The following ERC1 variants were observed in gnomAD, a reference collection of about 807,000 sequenced individuals.
ERC1 encodes RAB6 interacting protein 2.
A neutral mutation model predicts 132.0 loss-of-function variants in ERC1; 56 were observed. That is an observed-to-expected ratio of 0.42 (90% CI 0.34 to 0.53). ERC1 has a LOEUF of 0.53. ERC1 is among the 20% of genes least tolerant of loss of function. The probability of loss-of-function intolerance (pLI) is 0.03; values close to 1 mark genes in which losing one functional copy is unlikely to be tolerated. For synonymous variants in ERC1, 478 were observed against 476.1 expected, an observed-to-expected ratio of 1.00 and a Z score of -0.05; for missense variants, 1,202 against 1,349.9, an observed-to-expected ratio of 0.89 and a Z score of 1.72.
intron 8 of ERC1, among the ~76,000 whole-genome samples, chr12:1,175,070 A>G (rs1353909459): frequency 6.6e-6 from 1 of 152,238 alleles, no homozygotes; most frequent in Non-Finnish European, 1.5e-5. Context: ...ACATAATTTA[A>G]TTTAAAAATA....
intron 1 of ERC1, among the ~76,000 whole-genome samples, chr12:999,896 G>A (rs949234646): frequency 6.6e-6 from 1 of 152,074 alleles, no homozygotes; most frequent in African/African-American, 2.4e-5. Context: ...TGCCCAGCCC[G>A]CTAGGTGATT....
intron 18 of ERC1, among the ~76,000 whole-genome samples, chr12:1,480,545 G>T (rs192050523): frequency 5.9e-5 from 9 of 152,194 alleles, no homozygotes; most frequent in Non-Finnish European, 1.3e-4. Context: ...ACATTACTGC[G>T]TTTGGATTTG....
intron 3 of ERC1, among the ~76,000 whole-genome samples, chr12:1,099,916 C>T (rs750959468): frequency 2.8e-5 from 4 of 142,708 alleles, no homozygotes; most frequent in African/African-American, 5.3e-5. Context: ...GGCACCATCT[C>T]GGCTCACTGC....
chr12:1,476,181 G>A (rs533064352), intron 18 of ERC1, among the ~76,000 whole-genome samples: 11 of 151,842 alleles, frequency 7.2e-5, no homozygotes, highest in Admixed American at 2.6e-4. Flanking sequence ...GCATGAACCC[G>A]GGAGGCAGAG....
chr12:1,296,516 C>T (rs981459320), intron 15 of ERC1, among the ~76,000 whole-genome samples: 6 of 142,596 alleles, frequency 4.2e-5, no homozygotes, highest in Admixed American at 1.5e-4. Context: ...TGGGTTCAGG[C>T]GATCCTCCTG....
intron 3 of ERC1, 121 bp downstream of exon 3, chr12:1,083,701 C>T (rs10734995): frequency 1 from 761,186 of 762,890 alleles, 379,758 homozygotes; most frequent in East Asian, 1. Context: ...GAATTTCATC[C>T]TTTGTATTTA....
chr12:1,104,003 C>G (rs1241222685), intron 3 of ERC1, among the ~76,000 whole-genome samples: 1 of 57,174 alleles, frequency 1.7e-5, no homozygotes, highest in East Asian at 3.1e-3. Context: ...CTTGGAAGTA[C>G]TGACTGATTT....
intron 14 of ERC1, among the ~76,000 whole-genome samples, chr12:1,266,919 A>T (rs540958275): frequency 6.6e-6 from 1 of 152,358 alleles, no homozygotes; most frequent in East Asian, 1.9e-4. Flanking sequence ...GGATATCTAC[A>T]TCTCTTAATT....
intron 3 of ERC1, among the ~76,000 whole-genome samples, chr12:1,099,251 T>G (rs866456682): frequency 2.0e-5 from 3 of 152,050 alleles, no homozygotes; most frequent in African/African-American, 4.8e-5. Flanking sequence ...GAAGGAGAGA[T>G]AGCAGGTGTG....
intron 2 of ERC1, among the ~76,000 whole-genome samples, chr12:1,080,187 C>A (rs1226670446): frequency 6.6e-6 from 1 of 152,158 alleles, no homozygotes; most frequent in Non-Finnish European, 1.5e-5. Context: ...TCGAAGTGTA[C>A]AGTTTAGTGG....
At chr12:1,112,496 G>A (rs1344929208) in intron 6 of ERC1, among the ~76,000 whole-genome samples, 198 bp downstream of exon 6, 4 of 152,208 alleles carry the variant, frequency 2.6e-5, no homozygotes, top group Admixed American at 1.3e-4. Context: ...TGTGTGCAGT[G>A]AGCCTTCACG....
chr12:1,230,673 C>A (rs1455649288), intron 12 of ERC1, among the ~76,000 whole-genome samples: 1 of 152,096 alleles, frequency 6.6e-6, no homozygotes, highest in African/African-American at 2.4e-5. Flanking sequence ...TAGTAAAGTC[C>A]TCTCTTGTTA....
intron 15 of ERC1, among the ~76,000 whole-genome samples, chr12:1,320,388 C>T (rs1454278555): frequency 6.6e-6 from 1 of 152,190 alleles, no homozygotes; most frequent in Non-Finnish European, 1.5e-5. Flanking sequence ...CCATCTTTTA[C>T]ATTTTTGCTG....
At position 1,487,822 on chromosome 12, in the gene ERC1, G is replaced by GAA. The variant is rs1555132988; in HGVS notation, c.3214-2270_3214-2269insAA. Among the ~76,000 whole-genome samples the GAA allele has an allele frequency of 7.5e-3, 1,121 of 148,714 alleles. 8 individuals carry two copies. Among genetic ancestry groups the GAA allele is most frequent in the Non-Finnish European group, 0.012 (808 of 67,308 alleles). On this transcript the variant is annotated intron_variant, in intron 18 of 18. Transcript: ENST00000360905. ...AAAGAAAAGAAACGAGAGAGAGAGA[G>GAA]AGAAAGAAAAGAAAAGAAAGGAAAG...
chr12:1,110,901 A>G (rs1945781395), intron 5 of ERC1, among the ~76,000 whole-genome samples: 2 of 151,950 alleles, frequency 1.3e-5, no homozygotes, highest in African/African-American at 2.4e-5. Flanking sequence ...ATGGGGTTTC[A>G]CCTTGTTGGC....
chr12:1,435,047 C>CT (rs749407003), intron 17 of ERC1, among the ~76,000 whole-genome samples: 156 of 152,250 alleles, frequency 1.0e-3, no homozygotes, highest in Non-Finnish European at 1.9e-3. Flanking sequence ...TTTCCCAAAT[C>CT]TTTTTTTCCA....
chr12:1,193,486 A>G (rs1334939009), intron 12 of ERC1, among the ~76,000 whole-genome samples: 1 of 151,998 alleles, frequency 6.6e-6, no homozygotes, highest in Non-Finnish European at 1.5e-5. Context: ...ATATACACAC[A>G]TATATAAACA....
intron 8 of ERC1, among the ~76,000 whole-genome samples, chr12:1,160,184 C>T (rs886069164): frequency 6.6e-6 from 1 of 152,112 alleles, no homozygotes; most frequent in Admixed American, 6.5e-5. Context: ...CAATTTCATG[C>T]CTTCTACCCA....
intron 16 of ERC1, among the ~76,000 whole-genome samples, chr12:1,392,978 T>A (rs1252405753): frequency 1.3e-5 from 2 of 152,242 alleles, no homozygotes; most frequent in Non-Finnish European, 2.9e-5. Flanking sequence ...AATCCTTTTA[T>A]AATGAATAGT....
Sources: gnomAD v4.1 joint callset for allele counts (sites outside exome capture counted in the v4.1 genomes callset) on GRCh38, gnomAD v4.1.1 for gene constraint, MANE v1.5 for transcripts, NCBI Gene and HGNC (gene_info 2026-07-23, HGNC 2026-07-21) for gene names.